The following LUC7L2 variants were observed in gnomAD, a reference collection of about 807,000 sequenced individuals.
LUC7L2 encodes putative RNA-binding protein Luc7-like 2.
A neutral mutation model predicts 52.8 loss-of-function variants in LUC7L2; 25 were observed. The observed-to-expected ratio is 0.47, with a 90% CI of 0.34 to 0.66. The LOEUF is 0.66. LUC7L2 is among the 30% of genes least tolerant of loss of function. The pLI is 0.01. For missense variants in LUC7L2, 328 were observed against 497.8 expected (o/e 0.66, Z 3.25); for synonymous variants, 144 against 160.9 (o/e 0.89, Z 0.80).
chr7:139,372,048 A>C (rs924812421), intron 1 of LUC7L2, among the ~76,000 whole-genome samples: 6 of 152,230 alleles, frequency 3.9e-5, no homozygotes, highest in African/African-American at 9.6e-5. Flanking sequence ...TGTTTCTATT[A>C]AAATGAAAAA....
intron 1 of LUC7L2, among the ~76,000 whole-genome samples, chr7:139,363,790 C>T (rs1432731988): frequency 6.6e-6 from 1 of 152,058 alleles, no homozygotes; most frequent in African/African-American, 2.4e-5. Context: ...TGGAAGAACC[C>T]AGTACCCTCA....
intron 1 of LUC7L2, chr7:139,375,730 A>T (rs1585088720): frequency 2.0e-6 from 1 of 495,574 alleles, no homozygotes; most frequent in East Asian, 1.2e-4. Context: ...TCGGGGCCTC[A>T]GTTTTCTCAT....
At position 139,364,256 on chromosome 7, in the gene LUC7L2, G is replaced by A. The variant is rs147962333; in HGVS notation, c.61+3934G>A. On this transcript the variant is annotated intron_variant, in intron 1 of 9. Transcript: ENST00000354926. ...ATGCCCAGCCTAGATTACATTTTAA[G>A]CTTAGAAATTAGGTAAGTTATAGAA... Among the ~76,000 whole-genome samples, 1,191 of 152,054 alleles carry A rather than the reference G, an allele frequency of 7.8e-3. 10 individuals carry two copies. The highest frequency in any genetic ancestry group is 0.013 in the Non-Finnish European group (850 of 67,968).
chr7:139,406,098 C>CAGG (rs1314457910), intron 5 of LUC7L2, among the ~76,000 whole-genome samples: 1 of 152,166 alleles, frequency 6.6e-6, no homozygotes, highest in Non-Finnish European at 1.5e-5. Flanking sequence ...CTTGCTCAGG[C>CAGG]AGGAGTGCAA....
At chr7:139,373,982 G>A (rs1025903729) in intron 1 of LUC7L2, among the ~76,000 whole-genome samples, 5 of 152,118 alleles carry the variant, frequency 3.3e-5, no homozygotes, top group African/African-American at 4.8e-5. Context: ...TTAGGGTACA[G>A]ATTTAAAATG....
chr7:139,390,240 T>C (rs1794385825), intron 2 of LUC7L2, among the ~76,000 whole-genome samples: 1 of 150,070 alleles, frequency 6.7e-6, no homozygotes, highest in Non-Finnish European at 1.5e-5. Flanking sequence ...TCTCTCTCTC[T>C]TTTTTTCTTA....
chr7:139,373,943 T>A lies in LUC7L2; in HGVS notation c.62-2119T>A, dbSNP rs1038359235. Among the ~76,000 whole-genome samples the A allele has an allele frequency of 2.6e-5, 4 of 152,318 alleles. No homozygotes were observed. In the East Asian group the frequency reaches 7.7e-4, roughly 29 times the overall value. ...TTTTGTTTTTGTTTCAACTTTAAAA[T>A]TTTATCATTTTAAAATTGCTTAATA... is the stretch of plus-strand genomic sequence containing the variant. On this transcript the variant is annotated intron_variant, in intron 1 of 9. Transcript: ENST00000354926.
At chr7:139,421,846 A>T (rs1795921785) in intron 9 of LUC7L2, among the ~76,000 whole-genome samples, 2 of 152,328 alleles carry the variant, frequency 1.3e-5, no homozygotes, top group East Asian at 1.9e-4. Flanking sequence ...TAAAGCTGTT[A>T]TCTATGTATT....
At chr7:139,381,402 A>ATT (rs1297024365) in intron 2 of LUC7L2, among the ~76,000 whole-genome samples, 1,353 of 117,216 alleles carry the variant, frequency 0.012, 27 homozygotes, top group African/African-American at 0.04. Flanking sequence ...ATTTTATTTT[A>ATT]TTTTATTTTA....
intron 5 of LUC7L2, among the ~76,000 whole-genome samples, chr7:139,406,191 A>G (rs1361629092): frequency 6.6e-6 from 1 of 152,098 alleles, no homozygotes; most frequent in Non-Finnish European, 1.5e-5. Flanking sequence ...AGCTGGGATT[A>G]CAGGCCCATG....
At chr7:139,374,966 T>C in intron 1 of LUC7L2, 2 of 986,326 alleles carry the variant, frequency 2.0e-6, no homozygotes, top group Non-Finnish European at 2.4e-6. Flanking sequence ...AATACAGAGG[T>C]ATTTATATCT....
chr7:139,368,733 G>A (rs1418866372), intron 1 of LUC7L2, among the ~76,000 whole-genome samples: 5 of 85,662 alleles, frequency 5.8e-5, no homozygotes, highest in South Asian at 2.9e-4. Flanking sequence ...GTGAGACACC[G>A]TCTCAAAAAA....
chr7:139,415,061 T>TG (rs1258373239), intron 8 of LUC7L2, among the ~76,000 whole-genome samples: 2 of 143,380 alleles, frequency 1.4e-5, no homozygotes, highest in African/African-American at 5.0e-5. Context: ...TAAGTTTTTT[T>TG]TTTTTTTTTT....
At chr7:139,347,725 G>C (rs1342993798) in intron 1 of LUC7L2, among the ~76,000 whole-genome samples, 3 of 150,920 alleles carry the variant, frequency 2.0e-5, no homozygotes, top group African/African-American at 7.3e-5. Context: ...TTTTTGTTTT[G>C]TTTTGAGACA....
chr7:139,347,688 T>TAA (rs57097342), intron 1 of LUC7L2, among the ~76,000 whole-genome samples: 58,481 of 151,712 alleles, frequency 0.39, 15,677 homozygotes, highest in African/African-American at 0.77. Flanking sequence ...ACTGAATGTA[T>TAA]AAAAAAAAGA....
intron 1 of LUC7L2, among the ~76,000 whole-genome samples, chr7:139,341,981 G>A (rs569360740): frequency 6.6e-6 from 1 of 152,330 alleles, no homozygotes; most frequent in South Asian, 2.1e-4. Flanking sequence ...TTTTGAGGCG[G>A]AAAAGAACAA....
At position 139,423,037 on chromosome 7, in the gene LUC7L2, G is replaced by T. The variant is rs1178593621; in HGVS notation, c.*697G>T. On this transcript the variant is annotated 3_prime_UTR_variant, in exon 10 of 10. Transcript: ENST00000354926. ...TGCTATGTTCAGGATGTTCTAGGGG[G>T]TGGGGGCAGGGACTCTTTTCGTAAT... The T allele has an allele frequency of 1.0e-5, 4 of 398,590 alleles. No individual in the cohort carries two copies. The highest frequency in any genetic ancestry group is 8.2e-5 in the African/African-American group (4 of 48,518). The allele number at this position is 398,590 out of a possible 1,614,324, so 24.7% of individuals were successfully genotyped here.
Position 139,402,103 on chromosome 7 carries a change from T to G in LUC7L2, c.256-34T>G, listed in dbSNP as rs776277278. On this transcript the variant is annotated intron_variant, in intron 3 of 9. Coordinates refer to ENST00000354926, the MANE Select transcript of LUC7L2 (RefSeq NM_016019.5). ...AGATATTTCTGAATAAAATTGACTT[T>G]CTGACAGTAATTGTCTTTAATTAAA... The G allele has an allele frequency of 4.9e-5, 75 of 1,545,004 alleles. No homozygotes were observed. In the South Asian group the frequency reaches 9.0e-4, roughly 19 times the overall value.
chr7:139,408,767 GGGAGGT>G (rs1164425455), intron 6 of LUC7L2, among the ~76,000 whole-genome samples: 1 of 151,666 alleles, frequency 6.6e-6, no homozygotes, highest in African/African-American at 2.4e-5. Context: ...ACTTGAACCC[GGGAGGT>G]GGAGGTTGCA....
Sources: gnomAD v4.1 joint callset for allele counts (sites outside exome capture counted in the v4.1 genomes callset) on GRCh38, gnomAD v4.1.1 for gene constraint, MANE v1.5 for transcripts, NCBI Gene and HGNC (gene_info 2026-07-23, HGNC 2026-07-21) for gene names.